Variants in ASB2 observed in about 807,000 individuals in gnomAD.
ASB2 encodes ankyrin repeat and SOCS box protein 2.
In ASB2, 58 loss-of-function variants were observed where a neutral mutation model predicts 62.4. That is an observed-to-expected ratio of 0.93 (90% CI 0.75 to 1.16). The LOEUF (loss-of-function observed/expected upper bound fraction) is 1.16, where lower values mean the gene tolerates loss of function less well. ASB2 is among the 50% of genes most tolerant of loss of function. ASB2 has a pLI of 0.00. For synonymous variants in ASB2, 386 were observed against 385.3 expected (o/e 1.00, Z -0.02); for missense variants, 928 against 887.9 (o/e 1.05, Z -0.57).
chr14:93,972,018 ATT>A (rs1889768999), intron 1 of ASB2, among the ~76,000 whole-genome samples: 1 of 148,314 alleles, frequency 6.7e-6, no homozygotes, highest in African/African-American at 2.5e-5. Flanking sequence ...ATAATAGGTA[ATT>A]ATATATTTTT....
Position 93,934,715 on chromosome 14 carries a change from C to CTAGGAGT in ASB2, c.1842_1848dup (p.Asp617ThrfsTer13). On this transcript the variant is annotated frameshift_variant, in exon 10 of 10. Coordinates refer to ENST00000555019, the MANE Select transcript of ASB2 (RefSeq NM_001202429.2). LOFTEE classifies it high-confidence loss of function. ...AGCCTGCCTGGGAGCGGCAAGGTGT[C>CTAGGAGT]TAGGAGTTTTATACGGTATTTCCCA... The CTAGGAGT allele has an allele frequency of 3.1e-6, 5 of 1,614,104 alleles. No individual in the cohort carries two copies. The highest frequency in any genetic ancestry group is 4.2e-6 in the Non-Finnish European group (5 of 1,179,992).
intron 2 of ASB2, chr14:93,957,356 C>T: frequency 9.7e-7 from 1 of 1,026,126 alleles, no homozygotes; most frequent in Non-Finnish European, 1.2e-6. Flanking sequence ...CTGTGCCCCC[C>T]ACGCCCACCT....
At chr14:93,935,854 T>C (rs1888255178) in intron 9 of ASB2, among the ~76,000 whole-genome samples, 1 of 152,232 alleles carries the variant, frequency 6.6e-6, no homozygotes, top group African/African-American at 2.4e-5. Context: ...GGAAGCATCA[T>C]TCCTGTTGCC....
rs369790867 is a variant in ASB2 at position 93,956,825 on chromosome 14, G to A, written c.252C>T (p.Gly84=). 5.0e-6 allele frequency: 8 copies of A among 1,614,106 alleles called. No individual in the cohort carries two copies. Among genetic ancestry groups the A allele is most frequent in the African/African-American group, 1.3e-5 (1 of 74,934 alleles). Residue 84 remains glycine, a synonymous_variant, in exon 3 of 10, where the codon GGC becomes GGT. Transcript: ENST00000555019. ...ATTTCTGCATGACCCCTTGGAACAA[G>A]CCCATTGGGGCCCGGGCCGGCGAAC... ...PESSPARAPM[G]LFQGVMQKYS...
At chr14:93,966,608 A>G (rs902967097) in intron 1 of ASB2, among the ~76,000 whole-genome samples, 20 of 152,234 alleles carry the variant, frequency 1.3e-4, no homozygotes, top group South Asian at 1.0e-3. Flanking sequence ...TATGTTGCAG[A>G]ACTGCTGAAC....
Position 93,939,728 on chromosome 14 carries a change from G to C in ASB2, c.1053-56C>G. 14 of 1,292,346 alleles carry C rather than the reference G, an allele frequency of 1.1e-5. No individual in the cohort carries two copies. In the South Asian group the frequency reaches 2.5e-4, roughly 23 times the overall value. The allele number at this position is 1,292,346 out of a possible 1,614,324, so 80.1% of individuals were successfully genotyped here. On this transcript the variant is annotated intron_variant, in intron 7 of 9. Transcript: ENST00000555019. ...GGGAGGGTCGGGGTGTGGACGGGTA[G>C]GGCCGGCCCCGCCAGCAGGAGAGCT... is the stretch of plus-strand genomic sequence containing the variant.
intron 1 of ASB2, among the ~76,000 whole-genome samples, chr14:93,972,183 C>T (rs1478995837): frequency 6.6e-6 from 1 of 151,822 alleles, no homozygotes; most frequent in Non-Finnish European, 1.5e-5. Flanking sequence ...AGCCTGGGGA[C>T]ACACGAGGAG....
intron 1 of ASB2, among the ~76,000 whole-genome samples, chr14:93,971,789 G>T: frequency 6.6e-6 from 1 of 152,046 alleles, no homozygotes. Flanking sequence ...TGACAAGGAA[G>T]AGACTAGAGG....
In ASB2 at chr14:93,956,914, C is replaced by G. The variant is rs1483594132; in HGVS notation, c.207-44G>C. The G allele has an allele frequency of 1.9e-6, 3 of 1,611,352 alleles. No homozygotes were observed. In the African/African-American group the frequency reaches 4.0e-5, roughly 22 times the overall value. On this transcript the variant is annotated intron_variant, in intron 2 of 9. Transcript: ENST00000555019. Reference sequence around the variant, plus strand: ...GAGTGAAAGAGGGAAAAGTACTCTGCATAGGAGAAGCGGGTCATGGCTTCA... The same window carrying G: ...GAGTGAAAGAGGGAAAAGTACTCTGGATAGGAGAAGCGGGTCATGGCTTCA...
chr14:93,942,181 C>G (rs1185662859), intron 7 of ASB2: 2 of 455,992 alleles, frequency 4.4e-6, no homozygotes, highest in Non-Finnish European at 8.8e-6. Context: ...CAGTCTGACT[C>G]TTCCCACTTC....
chr14:93,963,881 G>C (rs1334406729), intron 2 of ASB2, among the ~76,000 whole-genome samples: 1 of 152,192 alleles, frequency 6.6e-6, no homozygotes, highest in Non-Finnish European at 1.5e-5. Flanking sequence ...AGAGGATGAG[G>C]TGGGGCTGAG....
intron 1 of ASB2, among the ~76,000 whole-genome samples, chr14:93,972,227 G>A (rs572749150): frequency 1.0e-4 from 4 of 39,770 alleles, no homozygotes; most frequent in African/African-American, 2.7e-4. Flanking sequence ...CACCCAGGGC[G>A]CTCGACCTCC....
In ASB2 at chr14:93,939,579, G is replaced by A; in HGVS notation, c.1146C>T (p.Asp382=). The change falls in exon 8 of 10, where the codon GAC becomes GAT. Residue 382 remains aspartate, a synonymous_variant. Transcript: ENST00000555019. The stretch of plus-strand genomic sequence containing the variant: ...CGCTCAGCAGCGCCTCCAGCACCTC[G>A]TCGTGGTTGCGCTCGGCCGCCAGGT... ...PLHLAAERNH[D]EVLEALLSAR... The A allele has an allele frequency of 6.3e-7, 1 of 1,583,004 alleles. No individual in the cohort carries two copies. Among genetic ancestry groups the A allele is most frequent in the Non-Finnish European group, 8.6e-7 (1 of 1,169,070 alleles).
intron 1 of ASB2, among the ~76,000 whole-genome samples, chr14:93,966,627 G>T (rs1170417156): frequency 6.6e-6 from 1 of 152,164 alleles, no homozygotes; most frequent in African/African-American, 2.4e-5. Flanking sequence ...ACCAATGCTG[G>T]GTCCGCCCAC....
chr14:93,962,366 T>C (rs1382755936), intron 2 of ASB2, among the ~76,000 whole-genome samples: 2 of 152,118 alleles, frequency 1.3e-5, no homozygotes, highest in Non-Finnish European at 2.9e-5. Context: ...CGCCTAAACA[T>C]TCTATCTAAG....
chr14:93,957,307 C>T, intron 2 of ASB2: 2 of 1,086,158 alleles, frequency 1.8e-6, no homozygotes, highest in Non-Finnish European at 2.2e-6. Flanking sequence ...CATGGCAAAG[C>T]AGAGGATAGG....
chr14:93,942,607 C>T (rs1050945837), intron 7 of ASB2, among the ~76,000 whole-genome samples: 1 of 152,246 alleles, frequency 6.6e-6, no homozygotes, highest in African/African-American at 2.4e-5. Context: ...CTGGCCCTGG[C>T]TCTGATGTCC....
chr14:93,962,372 C>T (rs1313533273), intron 2 of ASB2, among the ~76,000 whole-genome samples: 1 of 152,180 alleles, frequency 6.6e-6, no homozygotes, highest in Non-Finnish European at 1.5e-5. Context: ...AACATTCTAT[C>T]TAAGGGGTTT....
intron 1 of ASB2, among the ~76,000 whole-genome samples, chr14:93,966,493 G>T (rs1889596066): frequency 6.6e-6 from 1 of 152,244 alleles, no homozygotes; most frequent in Non-Finnish European, 1.5e-5. Context: ...AGGACTTGAT[G>T]CTTGGAGTGG....
Sources: allele counts gnomAD v4.1 joint callset (sites outside exome capture counted in the v4.1 genomes callset), GRCh38; gene constraint gnomAD v4.1.1; transcripts MANE v1.5; gene names NCBI Gene and HGNC (gene_info 2026-07-23, HGNC 2026-07-21).